TTI1: variants seen among roughly 807,000 people sequenced by gnomAD.
The protein encoded by TTI1 is TELO2 interacting protein 1, also known as TELO2-interacting protein 1 homolog.
A neutral mutation model predicts 85.4 loss-of-function variants in TTI1; 52 were observed. That is an observed-to-expected ratio of 0.61 (90% CI 0.49 to 0.77). The LOEUF (loss-of-function observed/expected upper bound fraction) is 0.77, where lower values mean the gene tolerates loss of function less well. TTI1 is among the 30% of genes least tolerant of loss of function. TTI1 has a pLI of 0.00. For missense variants in TTI1, 1,173 were observed against 1,296.0 expected, an observed-to-expected ratio of 0.91 and a Z score of 1.46; for synonymous variants, 512 against 503.9, an observed-to-expected ratio of 1.02 and a Z score of -0.22.
In TTI1 at chr20:38,011,516, T is replaced by C. The variant is rs1315099736; in HGVS notation, c.2301A>G (p.Leu767=). The change falls in exon 2 of 8, where the codon TTA becomes TTG. Residue 767 remains leucine, a splice_region_variant and synonymous_variant. Transcript: ENST00000373447. ...VSVLHALMAA[L]AQWFPDTGNL... ...CATTAAAAAGGGCTCTCAATGTACC[T>C]AATGCTGCCATCAGAGCATGCAGAA... is the stretch of plus-strand genomic sequence containing the variant. 6.2e-7 allele frequency: 1 copy of C among 1,613,894 alleles called. No homozygotes were observed. The highest frequency in any genetic ancestry group is 8.5e-7 in the Non-Finnish European group (1 of 1,179,868).
Position 37,983,515 on chromosome 20 carries a change from T to C in TTI1, c.3211A>G (p.Ser1071Gly), listed in dbSNP as rs2073149388. The change falls in exon 8 of 8, where the codon AGC (serine) becomes GGC (glycine). Residue 1071 changes from serine to glycine, a missense_variant. Ser to Gly is a moderately conservative substitution (Grantham distance 56). Coordinates refer to ENST00000373447, the MANE Select transcript of TTI1 (RefSeq NM_001303457.2). The stretch of plus-strand genomic sequence containing the variant: ...GTCGTGTAGGGGTTCTGCTGCCCGC[T>C]GGCCCCGTGCAGCTGCACAGGGTGG... The part of the protein sequence containing the change: ...SLHPVQLHGA[S>G]GQQNPYTTNV... 1.2e-6 allele frequency: 2 copies of C among 1,611,700 alleles called. No homozygotes were observed. The highest frequency in any genetic ancestry group is 1.7e-6 in the Non-Finnish European group (2 of 1,179,624).
intron 1 of TTI1, among the ~76,000 whole-genome samples, chr20:38,029,185 A>G (rs2073873033): frequency 6.6e-6 from 1 of 152,190 alleles, no homozygotes; most frequent in African/African-American, 2.4e-5. Flanking sequence ...CTTGGAAACT[A>G]AACAACATGT....
chr20:38,012,452 A>T lies in TTI1; in HGVS notation c.1365T>A (p.Asp455Glu), dbSNP rs1347827037. The T allele has an allele frequency of 6.2e-7, 1 of 1,614,208 alleles. No homozygotes were observed. The highest frequency in any genetic ancestry group is 1.1e-5 in the South Asian group (1 of 91,080). ...IVEERRWNSD[D>E]LNASPKTSAT... ...CTGAGGTCTTTGGAGAAGCATTCAG[A>T]TCATCAGAGTTCCAACGCCGTTCCT... is the stretch of plus-strand genomic sequence containing the variant. Residue 455 changes from aspartate (D) to glutamate (E), a missense_variant, in exon 2 of 8, where the codon GAT (aspartate) becomes GAA (glutamate). Physicochemically the swap from Asp to Glu is conservative, Grantham distance 45. Coordinates refer to ENST00000373447, the MANE Select transcript of TTI1 (RefSeq NM_001303457.2).
chr20:38,029,891 C>T (rs1010218499), intron 1 of TTI1, among the ~76,000 whole-genome samples: 1 of 152,140 alleles, frequency 6.6e-6, no homozygotes, highest in African/African-American at 2.4e-5. Flanking sequence ...TGCCTTGGGA[C>T]TCTGCAGAGT....
chr20:38,027,929 A>AAAAG (rs1013010064), intron 1 of TTI1, among the ~76,000 whole-genome samples: 5 of 152,232 alleles, frequency 3.3e-5, no homozygotes, highest in African/African-American at 2.4e-5. Context: ...ATCTCAAAAA[A>AAAAG]AAAGAAAGAA....
At chr20:37,989,740 T>C (rs898624354) in intron 7 of TTI1, among the ~76,000 whole-genome samples, 6 of 152,268 alleles carry the variant, frequency 3.9e-5, no homozygotes, top group Admixed American at 2.6e-4. Context: ...CCCTTGAAGA[T>C]AAAGACATCT....
chr20:38,026,983 A>G (rs2073844287), intron 1 of TTI1, among the ~76,000 whole-genome samples: 1 of 152,262 alleles, frequency 6.6e-6, no homozygotes, highest in South Asian at 2.1e-4. Context: ...TAATACCTAG[A>G]GGGACCACTA....
rs377477921 is a variant in TTI1 at position 38,012,292 on chromosome 20, T to C, written c.1525A>G (p.Met509Val). Reference protein sequence around the residue: ...GNLYLLVDHFMELYHQSVVYR... With the variant: ...GNLYLLVDHFVELYHQSVVYR... The stretch of plus-strand genomic sequence containing the variant: ...ACCACAGATTGATGGTAAAGTTCCA[T>C]AAAGTGATCCACAAGCAAATAAAGA... The change falls in exon 2 of 8, where the codon ATG becomes GTG. Residue 509 changes from methionine (M) to valine (V), a missense_variant. Physicochemically the swap from Met to Val is conservative, Grantham distance 21. Coordinates refer to ENST00000373447, the MANE Select transcript of TTI1 (RefSeq NM_001303457.2). 1.6e-5 allele frequency: 26 copies of C among 1,614,018 alleles called. No homozygotes were observed. The highest frequency in any genetic ancestry group is 1.9e-5 in the Non-Finnish European group (22 of 1,180,030).
chr20:37,993,315 TC>T (rs2073292469), intron 7 of TTI1, among the ~76,000 whole-genome samples: 1 of 151,300 alleles, frequency 6.6e-6, no homozygotes, highest in African/African-American at 2.4e-5. Context: ...ATTTACAACC[TC>T]GGTTACATCA....
chr20:37,998,668 G>C (rs1013373710), intron 5 of TTI1, among the ~76,000 whole-genome samples: 1 of 152,190 alleles, frequency 6.6e-6, no homozygotes, highest in African/African-American at 2.4e-5. Flanking sequence ...AACACTATGA[G>C]AAAGGTGGGC....
At chr20:38,027,486 C>T (rs1421315840) in intron 1 of TTI1, among the ~76,000 whole-genome samples, 1 of 152,048 alleles carries the variant, frequency 6.6e-6, no homozygotes, top group East Asian at 1.9e-4. Context: ...ATTTTGACTC[C>T]CCAAAAACTT....
At chr20:37,986,360 T>C (rs1001529093) in intron 7 of TTI1, among the ~76,000 whole-genome samples, 2 of 152,220 alleles carry the variant, frequency 1.3e-5, no homozygotes, top group African/African-American at 4.8e-5. Context: ...AATGTCGTAT[T>C]TGTTGGCAGG....
rs1436810001 is a variant in TTI1, at chr20:37,996,742, T to C, written c.2998+7A>G. ...TGTGTGTTCAGGTGGAACTGCCTGG[T>C]ACCCACCTAGGTCCAGTCTCTCACA... On this transcript the variant is annotated splice_region_variant and intron_variant, in intron 6 of 7. Transcript: ENST00000373447. 6.2e-7 allele frequency: 1 copy of C among 1,601,612 alleles called. No individual in the cohort carries two copies. Among genetic ancestry groups the C allele is most frequent in the South Asian group, 1.1e-5 (1 of 89,970 alleles).
At chr20:37,995,939 A>G (rs1458381446) in intron 7 of TTI1, among the ~76,000 whole-genome samples, 1 of 152,214 alleles carries the variant, frequency 6.6e-6, no homozygotes, top group Non-Finnish European at 1.5e-5. Context: ...TTTGCTTTGC[A>G]CTTGTGAGGG....
chr20:37,990,095 G>A (rs750966981), intron 7 of TTI1, among the ~76,000 whole-genome samples: 8 of 152,170 alleles, frequency 5.3e-5, no homozygotes, highest in Non-Finnish European at 8.8e-5. Flanking sequence ...GAGCCACTCT[G>A]AAAGCTCCTC....
At chr20:38,002,417 A>G (rs2073438449) in intron 4 of TTI1, among the ~76,000 whole-genome samples, 1 of 152,198 alleles carries the variant, frequency 6.6e-6, no homozygotes, top group African/African-American at 2.4e-5. Context: ...TTTTTAATGC[A>G]GGAGACTCAG....
At chr20:38,030,604 C>T (rs551802985) in intron 1 of TTI1, among the ~76,000 whole-genome samples, 1 of 151,434 alleles carries the variant, frequency 6.6e-6, no homozygotes, top group African/African-American at 2.4e-5. Context: ...AAGACTGGCT[C>T]AATATTTGAA....
chr20:38,020,697 T>C (rs1354944121), intron 1 of TTI1, among the ~76,000 whole-genome samples: 2 of 152,040 alleles, frequency 1.3e-5, no homozygotes, highest in Middle Eastern at 3.4e-3. Flanking sequence ...AGGACCTGAA[T>C]AGACATATCA....
At chr20:38,030,709 G>C (rs1232070165) in intron 1 of TTI1, among the ~76,000 whole-genome samples, 14 of 152,120 alleles carry the variant, frequency 9.2e-5, no homozygotes, top group Admixed American at 8.5e-4. Flanking sequence ...ACCTCTATAT[G>C]TTGAAGAATC....
Sources: allele counts gnomAD v4.1 joint callset (sites outside exome capture counted in the v4.1 genomes callset), GRCh38; gene constraint gnomAD v4.1.1; transcripts MANE v1.5; gene names NCBI Gene and HGNC (gene_info 2026-07-23, HGNC 2026-07-21).